GBE1: variants seen among roughly 807,000 people sequenced by gnomAD.
GBE1 encodes the protein 1,4-alpha-glucan branching enzyme 1.
In GBE1, 70 loss-of-function variants were observed where a neutral mutation model predicts 88.8. That is an observed-to-expected ratio of 0.79 (90% confidence interval 0.65 to 0.96). The LOEUF (loss-of-function observed/expected upper bound fraction) is 0.96. GBE1 is among the 40% of genes least tolerant of loss of function. The pLI is 0.00. For missense variants in GBE1, 872 were observed against 871.0 expected (o/e 1.00, Z -0.01); for synonymous variants, 284 against 300.1 (o/e 0.95, Z 0.56).
At chr3:81,527,883 T>TGGG (rs1476711255) in intron 14 of GBE1, among the ~76,000 whole-genome samples, 1 of 151,960 alleles carries the variant, frequency 6.6e-6, no homozygotes, top group African/African-American at 2.4e-5. Flanking sequence ...ACCCAAAGGA[T>TGGG]TATAAATCAT....
chr3:81,595,731 T>C (rs569969679), intron 7 of GBE1, among the ~76,000 whole-genome samples: 33 of 152,104 alleles, frequency 2.2e-4, no homozygotes, highest in African/African-American at 7.7e-4. Context: ...CAAGTCCTGT[T>C]GATTCCTTTT....
rs574373347 is a variant in GBE1 at position 81,687,555 on chromosome 3, C to T, written c.314-16602G>A. Among the ~76,000 whole-genome samples the T allele has an allele frequency of 3.2e-4, 48 of 152,102 alleles. 1 individual carries two copies. The highest frequency in any genetic ancestry group is 5.6e-4 in the Non-Finnish European group (38 of 68,026). On this transcript the variant is annotated intron_variant, in intron 2 of 15. Coordinates refer to ENST00000429644, the MANE Select transcript of GBE1 (RefSeq NM_000158.4). ...GTAAAATAACAGATTCTGAGGAGAG[C>T]AGTGAAACTGAAATAGCTACCATGG...
chr3:81,739,290 T>C (rs1448380618), intron 1 of GBE1, among the ~76,000 whole-genome samples: 1 of 152,164 alleles, frequency 6.6e-6, no homozygotes, highest in Non-Finnish European at 1.5e-5. Context: ...TTTTAACCAC[T>C]GCAGGATACA....
chr3:81,637,716 T>C (rs1053496333), intron 7 of GBE1, among the ~76,000 whole-genome samples: 2 of 152,134 alleles, frequency 1.3e-5, no homozygotes, highest in Non-Finnish European at 2.9e-5. Flanking sequence ...TTTCCATTCA[T>C]GTCATGGTTG....
intron 14 of GBE1, among the ~76,000 whole-genome samples, chr3:81,518,108 T>C (rs1702822175): frequency 1.3e-5 from 2 of 151,386 alleles, no homozygotes; most frequent in Admixed American, 1.3e-4. Flanking sequence ...CAAACCCCAA[T>C]GAAGGATACT....
chr3:81,695,151 C>A (rs1173972511), intron 2 of GBE1, among the ~76,000 whole-genome samples: 2 of 152,208 alleles, frequency 1.3e-5, no homozygotes, highest in Non-Finnish European at 2.9e-5. Flanking sequence ...GTGAGCCAAG[C>A]TCCCTCTTCT....
At chr3:81,753,629 T>A (rs897355777) in intron 1 of GBE1, among the ~76,000 whole-genome samples, 1 of 152,120 alleles carries the variant, frequency 6.6e-6, no homozygotes, top group African/African-American at 2.4e-5. Flanking sequence ...TGCCAGAGCC[T>A]AAACTAAACC....
In GBE1 at chr3:81,648,837, A is replaced by T; in HGVS notation, c.691+19T>A. ...CTCATTAAAATTTTATCTGAATAAA[A>T]ATCACAGTTATTACTTACCAAGGCC... On this transcript the variant is annotated intron_variant, in intron 5 of 15. Coordinates refer to ENST00000429644, the MANE Select transcript of GBE1 (RefSeq NM_000158.4). The T allele has an allele frequency of 7.1e-7, 1 of 1,418,438 alleles. No homozygotes were observed. Among genetic ancestry groups the T allele is most frequent in the Non-Finnish European group, 9.4e-7 (1 of 1,060,576 alleles). The allele number at this position is 1,418,438 out of a possible 1,614,324, so 87.9% of individuals were successfully genotyped here. A position where few individuals can be genotyped will look rare whatever the true frequency, so the allele number is the denominator to read the frequency against.
At position 81,647,237 on chromosome 3, in the gene GBE1, C is replaced by T. The variant is rs144793504; in HGVS notation, c.692-755G>A. Among the ~76,000 whole-genome samples, 1,362 of 152,172 alleles carry T rather than the reference C, an allele frequency of 9.0e-3. 23 individuals are homozygous for T. Among genetic ancestry groups the T allele is most frequent in the African/African-American group, 0.031 (1,277 of 41,516 alleles). On this transcript the variant is annotated intron_variant, in intron 5 of 15. Transcript: ENST00000429644. ...CCTCCCAAAGTGCTGGGATTACAGG[C>T]GTGAGCCACCGCGCCCAGCCTGCAA... is the stretch of plus-strand genomic sequence containing the variant.
At chr3:81,697,965 ATATAT>A (rs1705625649) in intron 2 of GBE1, among the ~76,000 whole-genome samples, 2 of 149,204 alleles carry the variant, frequency 1.3e-5, no homozygotes, top group Non-Finnish European at 3.0e-5. Flanking sequence ...TTTAGGTATT[ATATAT>A]TATATTAGGT....
At chr3:81,700,119 T>C (rs937822170) in intron 2 of GBE1, among the ~76,000 whole-genome samples, 2 of 152,198 alleles carry the variant, frequency 1.3e-5, no homozygotes, top group African/African-American at 4.8e-5. Flanking sequence ...AGCTGACCAC[T>C]ACAGCGAAAA....
intron 12 of GBE1, among the ~76,000 whole-genome samples, chr3:81,545,587 A>G (rs1559640505): frequency 6.7e-6 from 1 of 149,666 alleles, no homozygotes; most frequent in Non-Finnish European, 1.5e-5. Context: ...TGTAAATGGT[A>G]TGTAATTCTT....
intron 7 of GBE1, among the ~76,000 whole-genome samples, chr3:81,600,509 T>C (rs993418912): frequency 6.6e-6 from 1 of 152,088 alleles, no homozygotes; most frequent in African/African-American, 2.4e-5. Context: ...GCCTGAGCCA[T>C]GGTGCTTGGC....
chr3:81,606,311 T>A (rs1015233112), intron 7 of GBE1, among the ~76,000 whole-genome samples: 1 of 152,218 alleles, frequency 6.6e-6, no homozygotes, highest in Non-Finnish European at 1.5e-5. Context: ...TTTCTTCATA[T>A]ATAATGACAC....
intron 7 of GBE1, among the ~76,000 whole-genome samples, chr3:81,633,360 T>G (rs1704545521): frequency 6.6e-6 from 1 of 152,184 alleles, no homozygotes; most frequent in Non-Finnish European, 1.5e-5. Context: ...AAATTAAAGT[T>G]AAACTTAGAA....
At chr3:81,548,516 G>T (rs1366507429) in intron 12 of GBE1, among the ~76,000 whole-genome samples, 1 of 151,318 alleles carries the variant, frequency 6.6e-6, no homozygotes, top group South Asian at 2.1e-4. Context: ...ATAGGACTTA[G>T]TGTATGTTAT....
chr3:81,660,626 A>G (rs900280541), intron 3 of GBE1, among the ~76,000 whole-genome samples: 1 of 152,148 alleles, frequency 6.6e-6, no homozygotes, highest in Non-Finnish European at 1.5e-5. Context: ...GAGAACATAT[A>G]ATTTTCAATT....
chr3:81,600,459 A>G (rs1011617876), intron 7 of GBE1, among the ~76,000 whole-genome samples: 13 of 152,114 alleles, frequency 8.5e-5, no homozygotes, highest in African/African-American at 2.9e-4. Flanking sequence ...AGATACATAC[A>G]TCTAAACAGT....
intron 15 of GBE1, among the ~76,000 whole-genome samples, chr3:81,496,357 T>C (rs577929028): frequency 6.6e-6 from 1 of 152,338 alleles, no homozygotes; most frequent in South Asian, 2.1e-4. Context: ...GCAGCATGTA[T>C]GGCTATTTTA....
Sources: gnomAD v4.1 joint callset for allele counts (sites outside exome capture counted in the v4.1 genomes callset) on GRCh38, gnomAD v4.1.1 for gene constraint, MANE v1.5 for transcripts, NCBI Gene and HGNC (gene_info 2026-07-23, HGNC 2026-07-21) for gene names.